Variants in UNC5C observed in about 807,000 individuals in gnomAD.
The protein encoded by UNC5C is netrin receptor UNC5C.
A neutral mutation model predicts 99.8 loss-of-function variants in UNC5C; 47 were observed. That is an observed-to-expected ratio of 0.47 (90% CI 0.37 to 0.60). The LOEUF (loss-of-function observed/expected upper bound fraction) is 0.60. Ranked by LOEUF, UNC5C falls within the 20% of genes least tolerant of loss-of-function variation. UNC5C has a pLI of 0.00. For synonymous variants in UNC5C, 487 were observed against 452.2 expected (o/e 1.08, Z -0.98); for missense variants, 1,062 against 1,165.9 (o/e 0.91, Z 1.30).
At chr4:95,425,345 G>A (rs1209559934) in intron 1 of UNC5C, among the ~76,000 whole-genome samples, 5 of 152,128 alleles carry the variant, frequency 3.3e-5, no homozygotes, top group African/African-American at 4.8e-5. Flanking sequence ...TTTTTGAGAC[G>A]GAGTCTCGCT....
At chr4:95,477,833 T>A (rs1362173095) in intron 1 of UNC5C, among the ~76,000 whole-genome samples, 1 of 151,986 alleles carries the variant, frequency 6.6e-6, no homozygotes, top group African/African-American at 2.4e-5. Flanking sequence ...CACATACCTA[T>A]ACTTAAGAGG....
At chr4:95,332,329 G>A (rs1223003419) in intron 2 of UNC5C, among the ~76,000 whole-genome samples, 1 of 149,196 alleles carries the variant, frequency 6.7e-6, no homozygotes, top group African/African-American at 2.4e-5. Flanking sequence ...TATACTGCAA[G>A]GCTACAGTAA....
chr4:95,487,116 T>G lies in UNC5C; in HGVS notation c.124+61618A>C, dbSNP rs74691363. Among the ~76,000 whole-genome samples the G allele has an allele frequency of 2.7e-3, 410 of 151,860 alleles. 3 individuals carry two copies. The highest frequency in any genetic ancestry group is 0.022 in the East Asian group (114 of 5,124). On this transcript the variant is annotated intron_variant, in intron 1 of 15. Coordinates refer to ENST00000453304, the MANE Select transcript of UNC5C (RefSeq NM_003728.4). Reference sequence around the variant, plus strand: ...CCAGAACCATGAGGCAATAAATTCATGTTCACTATAAATTACCCATTCTGT... The same window carrying G: ...CCAGAACCATGAGGCAATAAATTCAGGTTCACTATAAATTACCCATTCTGT...
At chr4:95,261,849 G>T (rs950012195) in intron 4 of UNC5C, among the ~76,000 whole-genome samples, 5 of 152,140 alleles carry the variant, frequency 3.3e-5, no homozygotes, top group Non-Finnish European at 7.4e-5. Context: ...GACTACAGGG[G>T]CATGCCACGA....
At chr4:95,285,242 T>C (rs1018165022) in intron 3 of UNC5C, among the ~76,000 whole-genome samples, 3 of 152,166 alleles carry the variant, frequency 2.0e-5, no homozygotes, top group African/African-American at 7.2e-5. Context: ...AAACAAAATA[T>C]TGGTGATGTG....
chr4:95,464,616 A>T (rs555711833), intron 1 of UNC5C, among the ~76,000 whole-genome samples: 8 of 152,330 alleles, frequency 5.3e-5, no homozygotes, highest in African/African-American at 1.7e-4. Flanking sequence ...TTTACCGATG[A>T]TAATTTCCGA....
chr4:95,380,973 T>A (rs761255768), intron 1 of UNC5C, among the ~76,000 whole-genome samples: 11 of 152,220 alleles, frequency 7.2e-5, no homozygotes, highest in Non-Finnish European at 1.6e-4. Flanking sequence ...AATGAATATT[T>A]GTTAAGTATG....
chr4:95,410,584 C>T (rs183747947), intron 1 of UNC5C, among the ~76,000 whole-genome samples: 1 of 152,216 alleles, frequency 6.6e-6, no homozygotes, highest in East Asian at 1.9e-4. Flanking sequence ...ATGCTGCTAC[C>T]GCCCAGAGCA....
chr4:95,187,923 A>C (rs1736900788), intron 12 of UNC5C, among the ~76,000 whole-genome samples: 1 of 152,200 alleles, frequency 6.6e-6, no homozygotes, highest in Admixed American at 6.5e-5. Context: ...GGACACACCC[A>C]TGCTTAGAGC....
chr4:95,362,327 A>G (rs967803484), intron 1 of UNC5C, among the ~76,000 whole-genome samples: 1 of 152,136 alleles, frequency 6.6e-6, no homozygotes, highest in Non-Finnish European at 1.5e-5. Context: ...CAGTGTAATT[A>G]CAATGAAATC....
At chr4:95,178,457 ATTTC>A (rs35508536) in intron 14 of UNC5C, among the ~76,000 whole-genome samples, 93,958 of 151,230 alleles carry the variant, frequency 0.62, 29,803 homozygotes, top group African/African-American at 0.74. Flanking sequence ...TATTTCTCAC[ATTTC>A]TTTCTTTTTG....
At chr4:95,345,393 C>T (rs1257795911) in intron 1 of UNC5C, among the ~76,000 whole-genome samples, 2 of 151,874 alleles carry the variant, frequency 1.3e-5, no homozygotes, top group African/African-American at 4.8e-5. Context: ...AGATAGACCT[C>T]AATACAGTTA....
rs189127349 is a variant in UNC5C at position 95,309,422 on chromosome 4, A to C, written c.347-7673T>G. ...AAAAACACAGGCAGCAAAAGCAAAA[A>C]TAGACAAATAGGAATACATCAAACT... is the stretch of plus-strand genomic sequence containing the variant. On this transcript the variant is annotated intron_variant, in intron 2 of 15. Coordinates refer to ENST00000453304, the MANE Select transcript of UNC5C (RefSeq NM_003728.4). 2.2e-3 allele frequency among the ~76,000 whole-genome samples: 330 copies of C among 152,292 alleles called. 2 individuals carry two copies. The highest frequency in any genetic ancestry group is 2.2e-3 in the Non-Finnish European group (153 of 68,020).
intron 1 of UNC5C, among the ~76,000 whole-genome samples, chr4:95,484,678 T>C (rs1160868133): frequency 6.6e-6 from 1 of 151,856 alleles, no homozygotes; most frequent in Admixed American, 6.6e-5. Context: ...TAGACATTTG[T>C]GAAGAAGATG....
chr4:95,268,081 C>G (rs1268872854), intron 4 of UNC5C, among the ~76,000 whole-genome samples: 1 of 151,714 alleles, frequency 6.6e-6, no homozygotes, highest in Non-Finnish European at 1.5e-5. Flanking sequence ...TCCGGAGTAG[C>G]TGGGACTACA....
chr4:95,328,062 A>AT (rs71583698), intron 2 of UNC5C, among the ~76,000 whole-genome samples: 998 of 86,714 alleles, frequency 0.012, 11 homozygotes, highest in African/African-American at 0.037. Flanking sequence ...TTTTTTTTTA[A>AT]TTTTTTTTTT....
chr4:95,428,399 C>T (rs534153129), intron 1 of UNC5C, among the ~76,000 whole-genome samples: 2 of 152,220 alleles, frequency 1.3e-5, no homozygotes, highest in South Asian at 2.1e-4. Context: ...ATCTACATAG[C>T]AGTATATATG....
At chr4:95,315,200 A>G (rs573106807) in intron 2 of UNC5C, among the ~76,000 whole-genome samples, 16 of 152,112 alleles carry the variant, frequency 1.1e-4, no homozygotes, top group African/African-American at 1.4e-4. Context: ...ATTATATTCC[A>G]TATCATTTAA....
In UNC5C at chr4:95,182,882, A is replaced by G. The variant is rs1340821604; in HGVS notation, c.2451+15T>C. 1.9e-6 allele frequency: 3 copies of G among 1,604,266 alleles called. No homozygotes were observed. Among genetic ancestry groups the G allele is most frequent in the Non-Finnish European group, 1.7e-6 (2 of 1,172,260 alleles). On this transcript the variant is annotated intron_variant, in intron 14 of 15. Coordinates refer to ENST00000453304, the MANE Select transcript of UNC5C (RefSeq NM_003728.4). ...CGCACTCTCCCCTGATTTCAGACAGACAGGAGCCACTTACCTCTGACACGG... is the reference window on the plus strand; with the variant it reads ...CGCACTCTCCCCTGATTTCAGACAGGCAGGAGCCACTTACCTCTGACACGG...
Sources: allele counts gnomAD v4.1 joint callset (sites outside exome capture counted in the v4.1 genomes callset), GRCh38; gene constraint gnomAD v4.1.1; transcripts MANE v1.5; gene names NCBI Gene and HGNC (gene_info 2026-07-23, HGNC 2026-07-21).